SLC8B1: variants seen among roughly 807,000 people sequenced by gnomAD.
SLC8B1 encodes the protein mitochondrial sodium/calcium exchanger protein.
In SLC8B1, 52 loss-of-function variants were observed where a neutral mutation model predicts 63.4. The observed-to-expected ratio is 0.82, with a 90% CI of 0.66 to 1.03. The LOEUF is 1.03. SLC8B1 is among the 50% of genes least tolerant of loss of function. The pLI is 0.00. For missense variants in SLC8B1, 657 were observed against 741.7 expected (o/e 0.89, Z 1.33); for synonymous variants, 336 against 323.9 (o/e 1.04, Z -0.40).
At chr12:113,327,164 C>T (rs1312245260) in intron 2 of SLC8B1, among the ~76,000 whole-genome samples, 1 of 152,058 alleles carries the variant, frequency 6.6e-6, no homozygotes, top group Admixed American at 6.6e-5. Flanking sequence ...CCACCCAGCA[C>T]AAGGAGGAAG....
intron 8 of SLC8B1, 136 bp downstream of exon 8, chr12:113,318,828 A>C (rs767208748): frequency 1.5e-6 from 1 of 649,300 alleles, no homozygotes; most frequent in East Asian, 2.8e-5. Flanking sequence ...GGACCTCAGC[A>C]GAATGAGTAG....
intron 15 of SLC8B1, among the ~76,000 whole-genome samples, chr12:113,303,141 A>ACACACACACACACACGCGCG (rs773636454): frequency 2.1e-5 from 3 of 145,638 alleles, no homozygotes; most frequent in African/African-American, 7.9e-5. Context: ...ACACACACAC[A>ACACACACACACACACGCGCG]CGCGCGCGCA....
intron 2 of SLC8B1, among the ~76,000 whole-genome samples, chr12:113,326,684 T>TC (rs1491352819): frequency 1.8e-4 from 19 of 107,550 alleles, no homozygotes; most frequent in African/African-American, 7.9e-4. Flanking sequence ...TTTCTCTCTC[T>TC]TTTTTTTTTT....
intron 2 of SLC8B1, among the ~76,000 whole-genome samples, chr12:113,328,567 G>A (rs895407952): frequency 3.7e-4 from 56 of 152,108 alleles, no homozygotes; most frequent in African/African-American, 1.3e-3. Context: ...TCAGGTCCTG[G>A]AATGCCCAGA....
At chr12:113,319,230 C>T in intron 7 of SLC8B1, 159 bp from the exon 8 acceptor site, 1 of 610,002 alleles carries the variant, frequency 1.6e-6, no homozygotes, top group Non-Finnish European at 3.0e-6. Context: ...GCTCCCCACT[C>T]CTTCCTCCTG....
chr12:113,321,111 G>C lies in SLC8B1; in HGVS notation c.310-3C>G, dbSNP rs1956920997. The C allele has an allele frequency of 6.2e-6, 10 of 1,614,066 alleles. No homozygotes were observed. The highest frequency in any genetic ancestry group is 7.6e-6 in the Non-Finnish European group (9 of 1,179,976). On this transcript the variant is annotated splice_region_variant and splice_polypyrimidine_tract_variant and intron_variant, in intron 3 of 15. Transcript: ENST00000680972. ...AACAGGTAGAGCAGCCAGGAAACCT[G>C]GGTGGGGAGCGGGCGAGGAAGGGAG...
At chr12:113,312,840 C>T (rs879326697) in intron 11 of SLC8B1, among the ~76,000 whole-genome samples, 5 of 152,182 alleles carry the variant, frequency 3.3e-5, no homozygotes, top group Admixed American at 2.6e-4. Flanking sequence ...ACCTGCTCTT[C>T]TCCCTAGTAC....
intron 13 of SLC8B1, 145 bp downstream of exon 13, chr12:113,307,546 A>C (rs1956692517): frequency 2.0e-6 from 2 of 987,070 alleles, no homozygotes; most frequent in Non-Finnish European, 1.4e-6. Context: ...AATGCTGGCC[A>C]CTCCACAGTG....
chr12:113,322,206 T>A (rs1340021264), intron 2 of SLC8B1, among the ~76,000 whole-genome samples: 1 of 152,072 alleles, frequency 6.6e-6, no homozygotes, highest in Non-Finnish European at 1.5e-5. Context: ...GTATCTCAAT[T>A]ACTCTGCACA....
At chr12:113,332,601 A>G (rs1957070619) in intron 2 of SLC8B1, 122 bp downstream of exon 2, 2 of 1,208,158 alleles carry the variant, frequency 1.7e-6, no homozygotes, top group South Asian at 1.6e-5. Context: ...TTTTGTCTCT[A>G]TTGTTCCCCG....
intron 8 of SLC8B1, among the ~76,000 whole-genome samples, 172 bp from the exon 9 acceptor site, chr12:113,317,173 C>T (rs1460619112): frequency 6.6e-6 from 1 of 152,142 alleles, no homozygotes; most frequent in Non-Finnish European, 1.5e-5. Flanking sequence ...GATCACAGCT[C>T]ACTGCAGCCT....
intron 2 of SLC8B1, among the ~76,000 whole-genome samples, chr12:113,326,021 T>C (rs1363537920): frequency 1.3e-5 from 2 of 152,170 alleles, no homozygotes; most frequent in Non-Finnish European, 2.9e-5. Flanking sequence ...CTTTAACATA[T>C]GGGTAAGCCA....
rs559603714 is a variant in SLC8B1 at position 113,320,070 on chromosome 12, G to A, written c.694+261C>T. On this transcript the variant is annotated intron_variant, in intron 7 of 15. Transcript: ENST00000680972. This position sits in a 1 kb window ranked among gnomAD's most constrained non-coding sequence, Gnocchi z 5.3. Reference sequence around the variant, plus strand: ...AGCCTCTCAAATTGCTGGGATGATAGGTGTGAGCCATCACGCTTGGCCAAA... The same window carrying A: ...AGCCTCTCAAATTGCTGGGATGATAAGTGTGAGCCATCACGCTTGGCCAAA... 4.5e-6 allele frequency: 2 copies of A among 443,752 alleles called. No homozygotes were observed. Among genetic ancestry groups the A allele is most frequent in the African/African-American group, 2.0e-5 (1 of 50,842 alleles). The allele number at this position is 443,752 out of a possible 1,614,324, so 27.5% of individuals were successfully genotyped here.
chr12:113,319,041 A>T lies in SLC8B1; in HGVS notation c.725T>A (p.Val242Asp), dbSNP rs1211762414. 6.2e-7 allele frequency: 1 copy of T among 1,614,036 alleles called. No homozygotes were observed. The highest frequency in any genetic ancestry group is 8.5e-7 in the Non-Finnish European group (1 of 1,179,956). Residue 242 changes from valine to aspartate, a missense_variant, in exon 8 of 16, where the codon GTC (valine) becomes GAC (aspartate). By Grantham distance (152) the Val-to-Asp change is radical. Coordinates refer to ENST00000680972, the MANE Select transcript of SLC8B1 (RefSeq NM_001358345.2). The stretch of plus-strand genomic sequence containing the variant: ...GATCCAGGTGCAGAGAATCACAGTG[A>T]CCACATAGAACACATACAAGCCCAG... ...GYLGLYVFYV[V>D]TVILCTWIYQ...
chr12:113,303,792 C>T (rs1393323769), intron 15 of SLC8B1, among the ~76,000 whole-genome samples: 5 of 146,218 alleles, frequency 3.4e-5, no homozygotes, highest in South Asian at 2.1e-4. Context: ...CTGGCCCTTC[C>T]GCTGCGTGCT....
intron 11 of SLC8B1, among the ~76,000 whole-genome samples, chr12:113,312,525 T>C (rs1437197847): frequency 6.6e-6 from 1 of 151,916 alleles, no homozygotes; most frequent in Non-Finnish European, 1.5e-5. Context: ...CGCCTAGAGA[T>C]GGGGGAGGCT....
chr12:113,309,551 T>C (rs866138150), intron 12 of SLC8B1, among the ~76,000 whole-genome samples: 4 of 152,130 alleles, frequency 2.6e-5, no homozygotes, highest in Non-Finnish European at 5.9e-5. Context: ...GCCAGGAGTT[T>C]GAGAGTAGTC....
At position 113,310,230 on chromosome 12, in the gene SLC8B1, T is replaced by C. The variant is rs1343624380; in HGVS notation, c.1257+4A>G. 1.2e-6 allele frequency: 2 copies of C among 1,613,328 alleles called. No homozygotes were observed. The highest frequency in any genetic ancestry group is 3.3e-4 in the Middle Eastern group (2 of 6,066). ...CCCCATCTCGGAGAACCCGGGCTTCTTACCCAGTGAAGCCTGGGGGGCTGG... is the reference window on the plus strand; with the variant it reads ...CCCCATCTCGGAGAACCCGGGCTTCCTACCCAGTGAAGCCTGGGGGGCTGG... On this transcript the variant is annotated splice_donor_region_variant and intron_variant, in intron 12 of 15. Transcript: ENST00000680972.
At chr12:113,309,512 G>A (rs1441840504) in intron 12 of SLC8B1, among the ~76,000 whole-genome samples, 1 of 152,238 alleles carries the variant, frequency 6.6e-6, no homozygotes, top group African/African-American at 2.4e-5. Flanking sequence ...CTGGCACTTT[G>A]GGAAGCCGAG....
Sources: gnomAD v4.1 joint callset for allele counts (sites outside exome capture counted in the v4.1 genomes callset) on GRCh38, gnomAD v4.1.1 for gene constraint, Gnocchi (gnomAD v3.1) non-coding constraint, MANE v1.5 for transcripts, NCBI Gene and HGNC (gene_info 2026-07-23, HGNC 2026-07-21) for gene names.